Variants in CHRD observed in about 807,000 individuals in gnomAD.
CHRD encodes the protein chordin.
A neutral mutation model predicts 113.7 loss-of-function variants in CHRD; 69 were observed. That is an observed-to-expected ratio of 0.61 (90% CI 0.50 to 0.74). The LOEUF (loss-of-function observed/expected upper bound fraction) is 0.74. CHRD is among the 30% of genes least tolerant of loss of function. The pLI, the probability that CHRD is intolerant of heterozygous loss-of-function variation, is 0.00. For synonymous variants in CHRD, 561 were observed against 540.8 expected (o/e 1.04, Z -0.52); for missense variants, 1,194 against 1,295.8 (o/e 0.92, Z 1.21).
chr3:184,386,681 G>A (rs1332694953), exon 16 of CHRD: 24 of 1,612,330 alleles, frequency 1.5e-5, no homozygotes, highest in Non-Finnish European at 2.0e-5. Flanking sequence ...ATGCTTCTTC[G>A]AGGGGCAGCA....
chr3:184,382,458 G>A, exon 7 of CHRD: 3 of 1,614,116 alleles, frequency 1.9e-6, no homozygotes, highest in South Asian at 1.1e-5. Context: ...GCTGCATGTG[G>A]CACTTGTGAC....
Position 184,384,500 on chromosome 3 carries a change from G to C in CHRD, c.1441-37G>C. The C allele has an allele frequency of 6.9e-7, 1 of 1,454,346 alleles. No individual in the cohort carries two copies. Among genetic ancestry groups the C allele is most frequent in the Non-Finnish European group, 9.1e-7 (1 of 1,103,526 alleles). The allele number at this position is 1,454,346 out of a possible 1,614,324, so 90.1% of individuals were successfully genotyped here. ...CAAGACTTCAGAACCTTGGACTCGTGTGAGAGCTGAGAAGGCCTATCCTCC... is the reference window on the plus strand; with the variant it reads ...CAAGACTTCAGAACCTTGGACTCGTCTGAGAGCTGAGAAGGCCTATCCTCC... On this transcript the variant is annotated intron_variant, in intron 12 of 22. Coordinates refer to ENST00000204604, the Ensembl canonical transcript of CHRD. The surrounding 1 kb of genome is among the most constrained non-coding windows in gnomAD (Gnocchi z 4.4).
In CHRD at chr3:184,380,199, G is replaced by C. The variant is rs1371216888; in HGVS notation, c.-120G>C. The C allele has an allele frequency of 7.1e-4, 40 of 56,324 alleles. No individual in the cohort carries two copies. The highest frequency in any genetic ancestry group is 1.9e-3 in the East Asian group (4 of 2,072). 3.5% of individuals were successfully genotyped at this position (56,324 alleles called of 1,614,324 possible). A position where few individuals can be genotyped will look rare whatever the true frequency, so the allele number is the denominator to read the frequency against. ...CTGCCCCGGCCCCGGCCCCGGCCCC[G>C]GCCCCCTCCCGCCGCACCGCCCCCG... On this transcript the variant is annotated 5_prime_UTR_variant, in exon 1 of 23. Coordinates refer to ENST00000204604, the Ensembl canonical transcript of CHRD. This position sits in a 1 kb window ranked among gnomAD's most constrained non-coding sequence, Gnocchi z 6.3.
At chr3:184,386,298 G>GCT in intron 15 of CHRD, 139 bp downstream of exon 15, 1 of 1,215,880 alleles carries the variant, frequency 8.2e-7, no homozygotes, top group Non-Finnish European at 1.2e-6. Context: ...CTGGTGGGGA[G>GCT]GATGAGCTAC....
At chr3:184,386,081 G>C in exon 15 of CHRD, 2 of 1,614,226 alleles carry the variant, frequency 1.2e-6, no homozygotes, top group Non-Finnish European at 1.7e-6. Context: ...AGCCGGAACT[G>C]CTGCGGCACC....
rs940718077 is a variant in CHRD at position 184,387,290 on chromosome 3, G to A, written c.2348-84G>A. On this transcript the variant is annotated intron_variant, in intron 18 of 22. Transcript: ENST00000204604. This position sits in a 1 kb window ranked among gnomAD's most constrained non-coding sequence, Gnocchi z 6.1. ...GTGGGCCCTTGGCTTAGGCTCGTGTGGGGGTGGCCTGAGGCTCAAGCCTTG... is the reference window on the plus strand; with the variant it reads ...GTGGGCCCTTGGCTTAGGCTCGTGTAGGGGTGGCCTGAGGCTCAAGCCTTG... The A allele has an allele frequency of 3.4e-6, 5 of 1,477,036 alleles. No individual in the cohort carries two copies. The highest frequency in any genetic ancestry group is 2.3e-5 in the East Asian group (1 of 43,516). 91.5% of individuals were successfully genotyped at this position (1,477,036 alleles called of 1,614,324 possible). A position where few individuals can be genotyped will look rare whatever the true frequency, so the allele number is the denominator to read the frequency against.
chr3:184,386,662 C>T, exon 16 of CHRD: 1 of 1,612,042 alleles, frequency 6.2e-7, no homozygotes, highest in Non-Finnish European at 8.5e-7. Flanking sequence ...GGCCCCGAGA[C>T]CCCAACACAT....
Position 184,380,799 on chromosome 3 carries a change from A to G in CHRD, c.252+4A>G, listed in dbSNP as rs757304300. 2.3e-5 allele frequency: 37 copies of G among 1,583,692 alleles called. No individual in the cohort carries two copies. Among genetic ancestry groups the G allele is most frequent in the Middle Eastern group, 1.7e-4 (1 of 6,012 alleles). Reference sequence around the variant, plus strand: ...CGTGCTGTGCGCCTGCGAGGCGGTGAGTGCACCCCGCGGCCGGCCCGGGCC... The same window carrying G: ...CGTGCTGTGCGCCTGCGAGGCGGTGGGTGCACCCCGCGGCCGGCCCGGGCC... On this transcript the variant is annotated splice_donor_region_variant and intron_variant, in intron 2 of 22. Transcript: ENST00000204604. The surrounding 1 kb of genome is among the most constrained non-coding windows in gnomAD (Gnocchi z 6.3).
In CHRD at chr3:184,388,619, C is replaced by G; in HGVS notation, c.2587C>G (p.Pro863Ala). ...GGGGGCCCACCCCCAGCTGGGGGAC[C>G]CCATGCAGGCTGATGGGCCCCGGGG... Residue 863 changes from proline (P) to alanine (A), a missense_variant, in exon 21 of 23, where the codon CCC becomes GCC. Physicochemically the swap from Pro to Ala is conservative, Grantham distance 27 (BLOSUM62 -1). Transcript: ENST00000204604. The surrounding 1 kb of genome is among the most constrained non-coding windows in gnomAD (Gnocchi z 6.1). The G allele has an allele frequency of 6.2e-7, 1 of 1,612,852 alleles. No homozygotes were observed. Among genetic ancestry groups the G allele is most frequent in the Non-Finnish European group, 8.5e-7 (1 of 1,180,010 alleles).
chr3:184,387,438 C>T lies in CHRD; in HGVS notation c.2412C>T (p.Pro804=), dbSNP rs369259617. Residue 804 remains proline, a synonymous_variant, in exon 19 of 23, where the codon CCC becomes CCT. Transcript: ENST00000204604. This position sits in a 1 kb window ranked among gnomAD's most constrained non-coding sequence, Gnocchi z 6.1. ...GTACGCGGTGGCACCCCGTTGTGCC[C>T]CCCTTTGGCTTAATTAAGTGTGCTG... 6.2e-7 allele frequency: 1 copy of T among 1,612,694 alleles called. No homozygotes were observed. The highest frequency in any genetic ancestry group is 1.3e-5 in the African/African-American group (1 of 74,976).
chr3:184,385,057 C>A (rs761543822), exon 14 of CHRD: 2 of 1,614,132 alleles, frequency 1.2e-6, no homozygotes, highest in Non-Finnish European at 1.7e-6. Context: ...GTGCTACCCC[C>A]TGTGAAGAGC....
At position 184,381,335 on chromosome 3, in the gene CHRD, C is replaced by G; in HGVS notation, c.353C>G (p.Pro118Arg). The G allele has an allele frequency of 6.2e-7, 1 of 1,603,468 alleles. No homozygotes were observed. Among genetic ancestry groups the G allele is most frequent in the Admixed American group, 1.7e-5 (1 of 58,566 alleles). ...GCCTGTGGGCAGCCGCGCCAGCTGC[C>G]GGGACACTGCTGCCAGACCTGCCCC... The change falls in exon 3 of 23, where the codon CCG (proline) becomes CGG (arginine). Residue 118 changes from proline (P) to arginine (R), a missense_variant. Physicochemically the swap from Pro to Arg is moderately radical, Grantham distance 103. Transcript: ENST00000204604. This position sits in a 1 kb window ranked among gnomAD's most constrained non-coding sequence, Gnocchi z 4.7.
rs779022396 is a variant in CHRD at position 184,380,801 on chromosome 3, T to C, written c.252+6T>C. The C allele has an allele frequency of 1.3e-6, 2 of 1,582,564 alleles. No homozygotes were observed. Among genetic ancestry groups the C allele is most frequent in the Middle Eastern group, 1.7e-4 (1 of 6,002 alleles). ...TGCTGTGCGCCTGCGAGGCGGTGAG[T>C]GCACCCCGCGGCCGGCCCGGGCCCT... On this transcript the variant is annotated splice_donor_region_variant and intron_variant, in intron 2 of 22. Transcript: ENST00000204604. The surrounding 1 kb of genome is among the most constrained non-coding windows in gnomAD (Gnocchi z 6.3).
chr3:184,381,531 T>G lies in CHRD; in HGVS notation c.418T>G (p.Ser140Ala), dbSNP rs750912862. 7 of 1,606,330 alleles carry G rather than the reference T, an allele frequency of 4.4e-6. No homozygotes were observed. Among genetic ancestry groups the G allele is most frequent in the Non-Finnish European group, 5.9e-6 (7 of 1,177,124 alleles). The change falls in exon 4 of 23, where the codon TCC (serine) becomes GCC (alanine). Residue 140 changes from serine to alanine, a missense_variant. Ser to Ala is a moderately conservative substitution (Grantham distance 99). Transcript: ENST00000204604. The surrounding 1 kb of genome is among the most constrained non-coding windows in gnomAD (Gnocchi z 4.7). ...TTCGGAGCGGCAGCCGAGCGGCCTG[T>G]CCTTCGAGTATCCGCGGGACCCGGA... is the stretch of plus-strand genomic sequence containing the variant.
rs1716446587 is a variant in CHRD, at chr3:184,387,119, G to T, written c.2347+12G>T. The T allele has an allele frequency of 1.2e-6, 2 of 1,613,236 alleles. No individual in the cohort carries two copies. Among genetic ancestry groups the T allele is most frequent in the South Asian group, 2.2e-5 (2 of 91,056 alleles). ...GGACCCAGGAGAGGGTGAGCTGGAA[G>T]GGTGCGTGCAGGGTGGGAGGCCCCA... On this transcript the variant is annotated intron_variant, in intron 18 of 22. Transcript: ENST00000204604. The surrounding 1 kb of genome is among the most constrained non-coding windows in gnomAD (Gnocchi z 6.1).
At chr3:184,385,229 T>C (rs765627217) in exon 14 of CHRD, 5 of 1,613,048 alleles carry the variant, frequency 3.1e-6, no homozygotes, top group Middle Eastern at 1.7e-4. Flanking sequence ...AGGGATTCTA[T>C]GGCTCAGAGG....
chr3:184,380,938 A>G lies in CHRD; in HGVS notation c.252+143A>G. 1 of 760,316 alleles carries G rather than the reference A, an allele frequency of 1.3e-6. No homozygotes were observed. The allele number at this position is 760,316 out of a possible 1,614,324, so 47.1% of individuals were successfully genotyped here. On this transcript the variant is annotated intron_variant, in intron 2 of 22. Coordinates refer to ENST00000204604, the Ensembl canonical transcript of CHRD. The surrounding 1 kb of genome is among the most constrained non-coding windows in gnomAD (Gnocchi z 6.3). ...TTTTTCTGGTGGAGGAAGGGGAATC[A>G]GCCCCTCCAATTCTTAGGTGCTGTT... is the stretch of plus-strand genomic sequence containing the variant.
chr3:184,388,475 A>G lies in CHRD; in HGVS notation c.2555-112A>G. On this transcript the variant is annotated intron_variant, in intron 20 of 22. Coordinates refer to ENST00000204604, the Ensembl canonical transcript of CHRD. This position sits in a 1 kb window ranked among gnomAD's most constrained non-coding sequence, Gnocchi z 6.1. Reference sequence around the variant, plus strand: ...TTCATCTGCCCACCCACCCATCCAAATTTATCACCTACTAAGTGCCAGAAA... The same window carrying G: ...TTCATCTGCCCACCCACCCATCCAAGTTTATCACCTACTAAGTGCCAGAAA... 1.6e-6 allele frequency: 2 copies of G among 1,266,060 alleles called. No homozygotes were observed. The highest frequency in any genetic ancestry group is 1.4e-5 in the South Asian group (1 of 69,348). The allele number at this position is 1,266,060 out of a possible 1,614,324, so 78.4% of individuals were successfully genotyped here.
In CHRD at chr3:184,383,178, G is replaced by GC; in HGVS notation, c.1213+15_1213+16insC. On this transcript the variant is annotated intron_variant, in intron 10 of 22. Coordinates refer to ENST00000204604, the Ensembl canonical transcript of CHRD. ...GAGCTGCGACGGTGAGGCGGGGGGGGGGCCTGGTGCGCCGGGCATGCACAA... is the reference window on the plus strand; with the variant it reads ...GAGCTGCGACGGTGAGGCGGGGGGGGCGGCCTGGTGCGCCGGGCATGCACAA... 1 of 1,594,870 alleles carries GC rather than the reference G, an allele frequency of 6.3e-7. No individual in the cohort carries two copies. Among genetic ancestry groups the GC allele is most frequent in the Non-Finnish European group, 8.5e-7 (1 of 1,170,412 alleles).
Sources: gnomAD v4.1 joint callset for allele counts on GRCh38, gnomAD v4.1.1 for gene constraint, Gnocchi (gnomAD v3.1) non-coding constraint, MANE v1.5 for transcripts, NCBI Gene and HGNC (gene_info 2026-07-23, HGNC 2026-07-21) for gene names.